Variants in NRG3 observed in about 807,000 individuals in gnomAD.
The protein encoded by NRG3 is pro-neuregulin-3, membrane-bound isoform.
Under a neutral mutation model 66.9 loss-of-function variants are expected in NRG3, and 31 were observed. The observed-to-expected ratio is 0.46, with a 90% CI of 0.35 to 0.63. NRG3 has a LOEUF of 0.63. NRG3 is among the 20% of genes least tolerant of loss of function. The pLI, the probability that NRG3 is intolerant of heterozygous loss-of-function variation, is 0.00. For missense variants in NRG3, 910 were observed against 878.9 expected (o/e 1.04, Z -0.45); for synonymous variants, 393 against 359.4 (o/e 1.09, Z -1.06).
chr10:82,577,909 CA>C (rs34996666), intron 2 of NRG3, among the ~76,000 whole-genome samples: 2 of 151,636 alleles, frequency 1.3e-5, no homozygotes, highest in African/African-American at 4.8e-5. Context: ...AATTTCTTTG[CA>C]AGCTTTTTAA....
intron 1 of NRG3, among the ~76,000 whole-genome samples, chr10:82,054,458 A>T (rs34284213): frequency 0.24 from 36,624 of 151,926 alleles, 4,536 homozygotes; most frequent in Middle Eastern, 0.33. Context: ...ATTAATTGAG[A>T]TGGGGAGGAC....
At chr10:82,374,811 T>C (rs2135773994) in intron 2 of NRG3, among the ~76,000 whole-genome samples, 1 of 152,176 alleles carries the variant, frequency 6.6e-6, no homozygotes, top group East Asian at 1.9e-4. Context: ...CCTCCAACTC[T>C]GTGCAGCCCA....
At chr10:82,841,286 C>A (rs985356377) in intron 3 of NRG3, among the ~76,000 whole-genome samples, 1 of 152,156 alleles carries the variant, frequency 6.6e-6, no homozygotes. Context: ...GAATGAAATT[C>A]TGTTGTTTTA....
At chr10:82,256,907 A>G (rs553523822) in intron 1 of NRG3, among the ~76,000 whole-genome samples, 1 of 152,198 alleles carries the variant, frequency 6.6e-6, no homozygotes, top group Non-Finnish European at 1.5e-5. Flanking sequence ...TCTACTCTCT[A>G]GGAAATGACT....
chr10:82,753,325 A>T (rs1274354262), intron 3 of NRG3, among the ~76,000 whole-genome samples: 2 of 151,586 alleles, frequency 1.3e-5, no homozygotes, highest in African/African-American at 4.8e-5. Flanking sequence ...ATTCCTCCCC[A>T]GTGTGTAATT....
At chr10:81,944,901 T>C (rs1848711480) in intron 1 of NRG3, among the ~76,000 whole-genome samples, 1 of 152,152 alleles carries the variant, frequency 6.6e-6, no homozygotes, top group Non-Finnish European at 1.5e-5. Context: ...GATCTAGACC[T>C]CTGGGGTGTG....
intron 6 of NRG3, among the ~76,000 whole-genome samples, chr10:82,969,057 CAGGTCCCTCCCACAACACGTGGG>C (rs1338525021): frequency 9.9e-5 from 15 of 152,144 alleles, no homozygotes; most frequent in African/African-American, 3.6e-4. Context: ...TATCTCCCAC[CAGGTCCCTCCCACAACACGTGGG>C]AGTTATGGGA....
At chr10:82,691,338 A>G (rs540122424) in intron 2 of NRG3, among the ~76,000 whole-genome samples, 1 of 152,320 alleles carries the variant, frequency 6.6e-6, no homozygotes, top group East Asian at 1.9e-4. Context: ...ACTGCTGTTC[A>G]AATACTGTCT....
At chr10:82,364,120 C>T (rs2084368676) in intron 2 of NRG3, among the ~76,000 whole-genome samples, 1 of 152,120 alleles carries the variant, frequency 6.6e-6, no homozygotes, top group South Asian at 2.1e-4. Context: ...AGAGTTGACT[C>T]CTGCCTCTAG....
chr10:82,253,524 A>T lies in NRG3; in HGVS notation c.824-105215A>T, dbSNP rs2077580218. Among the ~76,000 whole-genome samples, 3 of 152,258 alleles carry T rather than the reference A, an allele frequency of 2.0e-5. No individual in the cohort carries two copies. The South Asian group carries it at 6.2e-4, about 32-fold the overall frequency. ...ACTCTCCCACCTTTTATGCTACCTT[A>T]TAAATAGCTCTTCTCCAATCCTTCC... On this transcript the variant is annotated intron_variant, in intron 1 of 8. Coordinates refer to ENST00000372141, the MANE Select transcript of NRG3 (RefSeq NM_001010848.4).
chr10:82,913,180 A>G (rs1845498314), intron 4 of NRG3, among the ~76,000 whole-genome samples: 1 of 152,144 alleles, frequency 6.6e-6, no homozygotes, highest in Non-Finnish European at 1.5e-5. Flanking sequence ...AGCTGGGATC[A>G]TGCCACTGCA....
intron 1 of NRG3, among the ~76,000 whole-genome samples, chr10:82,220,215 T>C (rs939323113): frequency 2.0e-5 from 3 of 151,948 alleles, no homozygotes; most frequent in African/African-American, 7.3e-5. Context: ...TGTGTGTTTA[T>C]CTGCTGAGGG....
intron 5 of NRG3, 106 bp downstream of exon 5, chr10:82,951,677 G>T: frequency 1.1e-6 from 1 of 921,732 alleles, no homozygotes; most frequent in African/African-American, 1.7e-5. Flanking sequence ...CTGTGGAAAT[G>T]GGTCTAGCAA....
At chr10:81,950,794 C>A (rs545840444) in intron 1 of NRG3, among the ~76,000 whole-genome samples, 1 of 152,194 alleles carries the variant, frequency 6.6e-6, no homozygotes, top group African/African-American at 2.4e-5. Context: ...AAAGGCAACG[C>A]TTTATGGAAA....
intron 2 of NRG3, among the ~76,000 whole-genome samples, chr10:82,635,189 T>C (rs594530): frequency 0.87 from 132,262 of 152,122 alleles, 57,581 homozygotes; most frequent in Middle Eastern, 0.91. Flanking sequence ...TCTGCAGTCT[T>C]TTACTACCAC....
chr10:82,719,570 A>G (rs145341267), intron 2 of NRG3, among the ~76,000 whole-genome samples: 10 of 152,202 alleles, frequency 6.6e-5, no homozygotes, highest in African/African-American at 2.2e-4. Context: ...AAGGCTCTCT[A>G]TCTTTCTGTT....
chr10:82,104,886 A>C (rs1400851090), intron 1 of NRG3, among the ~76,000 whole-genome samples: 3 of 152,136 alleles, frequency 2.0e-5, no homozygotes, highest in Admixed American at 2.0e-4. Context: ...AAAAGGAATT[A>C]TTGCTTTTAT....
At chr10:81,909,270 A>G (rs1421630302) in intron 1 of NRG3, among the ~76,000 whole-genome samples, 1 of 152,182 alleles carries the variant, frequency 6.6e-6, no homozygotes, top group African/African-American at 2.4e-5. Flanking sequence ...TTTTGGGTTT[A>G]AGGCCCATTC....
intron 2 of NRG3, among the ~76,000 whole-genome samples, chr10:82,399,569 C>G (rs1439712697): frequency 6.6e-6 from 1 of 152,170 alleles, no homozygotes; most frequent in Non-Finnish European, 1.5e-5. Flanking sequence ...GGGTCCTCCT[C>G]CAGGTTGCAG....
Sources: allele counts gnomAD v4.1 joint callset (sites outside exome capture counted in the v4.1 genomes callset), GRCh38; gene constraint gnomAD v4.1.1; transcripts MANE v1.5; gene names NCBI Gene and HGNC (gene_info 2026-07-23, HGNC 2026-07-21).